Variants in ROBO1 observed in about 807,000 individuals in gnomAD.
ROBO1 encodes roundabout guidance receptor 1.
In ROBO1, 149 loss-of-function variants were observed where a neutral mutation model predicts 195.9. That is an observed-to-expected ratio of 0.76 (90% CI 0.67 to 0.87). ROBO1 has a LOEUF of 0.87. Ranked by LOEUF, ROBO1 falls within the 40% of genes least tolerant of loss-of-function variation. The pLI, the probability that ROBO1 is intolerant of heterozygous loss-of-function variation, is 0.00. For missense variants in ROBO1, 1,933 were observed against 2,068.3 expected (o/e 0.93, Z 1.27); for synonymous variants, 816 against 733.2 (o/e 1.11, Z -1.82).
At chr3:79,064,240 A>C (rs558204128) in intron 3 of ROBO1, among the ~76,000 whole-genome samples, 1 of 151,952 alleles carries the variant, frequency 6.6e-6, no homozygotes, top group Non-Finnish European at 1.5e-5. Context: ...TGTACATTTA[A>C]AAATATTAGG....
At chr3:78,859,915 T>C (rs1169214830) in intron 4 of ROBO1, among the ~76,000 whole-genome samples, 1 of 151,930 alleles carries the variant, frequency 6.6e-6, no homozygotes, top group Non-Finnish European at 1.5e-5. Context: ...CCGTCTCTAC[T>C]AAAAATACAA....
intron 1 of ROBO1, among the ~76,000 whole-genome samples, chr3:79,756,347 C>A (rs1704394419): frequency 6.6e-6 from 1 of 151,780 alleles, no homozygotes; most frequent in African/African-American, 2.4e-5. Flanking sequence ...GTTAGGAGTT[C>A]GAGATCAGCC....
chr3:79,480,916 T>C (rs184101232), intron 2 of ROBO1, among the ~76,000 whole-genome samples: 1 of 152,270 alleles, frequency 6.6e-6, no homozygotes, highest in Admixed American at 6.5e-5. Flanking sequence ...GGGTGAAGCA[T>C]AATATAGCAA....
At chr3:79,422,749 A>G (rs2038280077) in intron 2 of ROBO1, among the ~76,000 whole-genome samples, 1 of 152,144 alleles carries the variant, frequency 6.6e-6, no homozygotes, top group Non-Finnish European at 1.5e-5. Context: ...AACTGTTATG[A>G]TCCATTTGCA....
rs141820940 is a variant in ROBO1, at chr3:79,519,136, G to C, written c.88+70688C>G. On this transcript the variant is annotated intron_variant, in intron 2 of 30. Transcript: ENST00000464233. ...GAAAGCCCCAATGTCTCCTCAGCCT[G>C]GATTCTGGAATGAGCTCCAAGAGCA... is the stretch of plus-strand genomic sequence containing the variant. Among the ~76,000 whole-genome samples, 323 of 152,224 alleles carry C rather than the reference G, an allele frequency of 2.1e-3. 1 individual carries two copies. Among genetic ancestry groups the C allele is most frequent in the African/African-American group, 7.4e-3 (306 of 41,530 alleles).
chr3:78,712,047 A>C (rs1464151153), intron 8 of ROBO1, among the ~76,000 whole-genome samples: 4 of 148,502 alleles, frequency 2.7e-5, no homozygotes, highest in Admixed American at 1.3e-4. Flanking sequence ...AAAAAAAAAA[A>C]AAACTCTCAA....
Position 79,019,033 on chromosome 3 carries a change from C to T in ROBO1, c.173-80106G>A, listed in dbSNP as rs901877763. 19 of 988,672 alleles carry T rather than the reference C, an allele frequency of 1.9e-5. No individual in the cohort carries two copies. The African/African-American group carries it at 2.3e-4, about 12-fold the overall frequency. The allele number at this position is 988,672 out of a possible 1,614,324, so 61.2% of individuals were successfully genotyped here. On this transcript the variant is annotated intron_variant, in intron 3 of 30. Transcript: ENST00000464233. ...TGCCGGGAGTGTGACTGGGTGACTCCGCGCGCAGAGAGCGAGCGAGGGGGC... is the reference window on the plus strand; with the variant it reads ...TGCCGGGAGTGTGACTGGGTGACTCTGCGCGCAGAGAGCGAGCGAGGGGGC...
At chr3:79,205,387 ATTAAC>A (rs1400694290) in intron 2 of ROBO1, among the ~76,000 whole-genome samples, 3 of 152,146 alleles carry the variant, frequency 2.0e-5, no homozygotes, top group Admixed American at 6.6e-5. Context: ...GGATCAAATA[ATTAAC>A]TTATCTATGT....
chr3:79,234,462 C>T (rs1052156757), intron 2 of ROBO1, among the ~76,000 whole-genome samples: 13 of 151,986 alleles, frequency 8.6e-5, no homozygotes, highest in African/African-American at 2.7e-4. Context: ...ATAGCAATCT[C>T]ATTGCTAGGC....
At chr3:78,979,467 CTG>C (rs889607407) in intron 3 of ROBO1, among the ~76,000 whole-genome samples, 1 of 152,110 alleles carries the variant, frequency 6.6e-6, no homozygotes, top group African/African-American at 2.4e-5. Flanking sequence ...TTTAAGGAAA[CTG>C]TTAAAAGATT....
At chr3:78,922,605 C>CTTTTTTTTTTT (rs565147879) in intron 4 of ROBO1, among the ~76,000 whole-genome samples, 1 of 123,146 alleles carries the variant, frequency 8.1e-6, no homozygotes, top group Non-Finnish European at 1.7e-5. Flanking sequence ...TCTTCTTCTT[C>CTTTTTTTTTTT]TTTTTTTTTT....
intron 4 of ROBO1, among the ~76,000 whole-genome samples, chr3:78,849,751 G>T (rs1392120484): frequency 1.3e-5 from 2 of 151,036 alleles, no homozygotes; most frequent in Non-Finnish European, 2.9e-5. Flanking sequence ...TTTAATTCAT[G>T]ATTTTCAAAT....
At chr3:79,691,316 A>G (rs961344203) in intron 1 of ROBO1, among the ~76,000 whole-genome samples, 1 of 151,858 alleles carries the variant, frequency 6.6e-6, no homozygotes, top group Admixed American at 6.6e-5. Context: ...CAGGTCCCCA[A>G]AGAAGAAAAA....
At chr3:79,646,607 C>T (rs931945960) in intron 1 of ROBO1, among the ~76,000 whole-genome samples, 13 of 152,100 alleles carry the variant, frequency 8.5e-5, no homozygotes, top group African/African-American at 2.9e-4. Context: ...CATCTGCACT[C>T]CCATGCTTAT....
intron 4 of ROBO1, among the ~76,000 whole-genome samples, chr3:78,898,041 T>C (rs1029609693): frequency 1.3e-5 from 2 of 151,326 alleles, no homozygotes; most frequent in African/African-American, 4.8e-5. Context: ...TGAACTGTAT[T>C]ACAAAATGAA....
chr3:78,770,477 G>T (rs1177501943), intron 4 of ROBO1, among the ~76,000 whole-genome samples: 4 of 152,070 alleles, frequency 2.6e-5, no homozygotes, highest in African/African-American at 9.7e-5. Flanking sequence ...AAGACTATTT[G>T]CTTTTTGCTT....
At chr3:78,901,526 T>A (rs896444345) in intron 4 of ROBO1, among the ~76,000 whole-genome samples, 1 of 152,212 alleles carries the variant, frequency 6.6e-6, no homozygotes. Flanking sequence ...TGGTATCCAG[T>A]AGGGATTTCT....
chr3:78,946,396 C>T (rs1309721215), intron 3 of ROBO1, among the ~76,000 whole-genome samples: 3 of 152,132 alleles, frequency 2.0e-5, no homozygotes, highest in Non-Finnish European at 4.4e-5. Context: ...GAATTTTCAA[C>T]CCACAATTTC....
intron 22 of ROBO1, among the ~76,000 whole-genome samples, chr3:78,638,068 C>T (rs1258563134): frequency 6.7e-6 from 1 of 150,304 alleles, no homozygotes; most frequent in Non-Finnish European, 1.5e-5. Context: ...TGATTTTTTA[C>T]TATTATGTTT....
Sources: allele counts gnomAD v4.1 joint callset (sites outside exome capture counted in the v4.1 genomes callset), GRCh38; gene constraint gnomAD v4.1.1; transcripts MANE v1.5; gene names NCBI Gene and HGNC (gene_info 2026-07-23, HGNC 2026-07-21).